Variants in HCFC1 observed in about 807,000 individuals in gnomAD.
The protein encoded by HCFC1 is host cell factor C1, also known as host cell factor 1.
Under a neutral mutation model 105.5 loss-of-function variants are expected in HCFC1, and 7 were observed. That is an observed-to-expected ratio of 0.07 (90% CI 0.04 to 0.12). HCFC1 has a LOEUF of 0.12. HCFC1 is among the 10% of genes least tolerant of loss of function. The probability of loss-of-function intolerance (pLI) is 1.00; values close to 1 mark genes in which losing one functional copy is unlikely to be tolerated. For synonymous variants in HCFC1, 918 were observed against 828.1 expected (o/e 1.11, Z -1.86); for missense variants, 1,065 against 1,823.6 (o/e 0.58, Z 7.58).
intron 6 of HCFC1, 58 bp downstream of exon 6, chrX:153,961,484 A>C: frequency 1.2e-6 from 1 of 845,436 alleles, no homozygotes; most frequent in African/African-American, 2.0e-5. Context: ...TCTTAGGCTG[A>C]GAAGGGCCAG....
chrX:153,966,301 G>A (rs1227911200), intron 1 of HCFC1, among the ~76,000 whole-genome samples: 2 of 112,480 alleles, frequency 1.8e-5, no homozygotes, highest in East Asian at 2.8e-4. Context: ...CCCCCACCCC[G>A]CTCTCCAGCA....
At chrX:153,950,742 C>A in intron 23 of HCFC1, 71 bp downstream of exon 23, 1 of 1,071,577 alleles carries the variant, frequency 9.3e-7, no homozygotes, top group Non-Finnish European at 1.3e-6. Flanking sequence ...ATGCCCCCCC[C>A]CGGCCACCTC....
At chrX:153,957,287 C>T (rs782080749) in intron 13 of HCFC1, 27 bp downstream of exon 13, 1 of 1,134,689 alleles carries the variant, frequency 8.8e-7, no homozygotes, top group African/African-American at 1.8e-5. Context: ...GACTTGCAGA[C>T]ACTCATATGT....
At chrX:153,951,529 C>T in intron 21 of HCFC1, 42 bp from the exon 22 acceptor site, 1 of 1,210,072 alleles carries the variant, frequency 8.3e-7, no homozygotes, top group Non-Finnish European at 1.1e-6. Flanking sequence ...GCCCTCAGCA[C>T]CTAGAGGCAG....
At chrX:153,951,144 G>C (rs1438890879) in intron 22 of HCFC1, 146 bp from the exon 23 acceptor site, 1 of 686,666 alleles carries the variant, frequency 1.5e-6, no homozygotes, top group African/African-American at 2.2e-5. Context: ...GGGACGTGGC[G>C]AGGCTGACTG....
chrX:153,950,046 G>A (rs1161239803), intron 24 of HCFC1, among the ~76,000 whole-genome samples, 197 bp downstream of exon 24: 3 of 111,737 alleles, frequency 2.7e-5, no homozygotes, highest in African/African-American at 9.8e-5. Flanking sequence ...CTGGGGTGGC[G>A]TCCCCTGCAC....
rs782013532 is a variant in HCFC1, at chrX:153,954,668, C to T, written c.3731G>A (p.Arg1244His). ...GGGCTCCCCAGCACCCACGCTGGAA[C>T]GGGTCATGGCAGCGGTGCTGACCGC... ...SHAVSTAAMT[R>H]SSVGAGEPRM... is the part of the protein sequence containing the mutation. The change falls in exon 17 of 26, where the codon CGT (arginine) becomes CAT (histidine). Residue 1244 changes from arginine (R) to histidine (H), a missense_variant. Physicochemically the swap from Arg to His is conservative, Grantham distance 29. Around this residue, in one of 17 missense-constraint regions of HCFC1, gnomAD observed 546 missense variants for 599.9 expected, o/e 0.91. Coordinates refer to ENST00000310441, the MANE Select transcript of HCFC1 (RefSeq NM_005334.3). The T allele has an allele frequency of 9.1e-6, 11 of 1,205,086 alleles. No homozygotes were observed. Among genetic ancestry groups the T allele is most frequent in the South Asian group, 3.5e-5 (2 of 56,499 alleles).
At chrX:153,952,471 C>T (rs782816476) in intron 19 of HCFC1, 43 bp downstream of exon 19, 6 of 1,108,218 alleles carry the variant, frequency 5.4e-6, no homozygotes, top group Non-Finnish European at 7.1e-6. Flanking sequence ...GCCTATTGCT[C>T]CCCCGAGCGG....
In HCFC1 at chrX:153,971,065, C is replaced by T; in HGVS notation, c.-225G>A. ...CTCCGCAAGAGCCGCCCGAAACTGT[C>T]GAGCGCCTAGGCTCAAGAAGCTGGA... On this transcript the variant is annotated 5_prime_UTR_variant, in exon 1 of 26. Coordinates refer to ENST00000310441, the MANE Select transcript of HCFC1 (RefSeq NM_005334.3). The T allele has an allele frequency of 2.7e-6, 1 of 375,276 alleles. No homozygotes were observed. Among genetic ancestry groups the T allele is most frequent in the Non-Finnish European group, 4.5e-6 (1 of 220,977 alleles). The allele number at this position is 375,276 out of a possible 1,213,427, so 30.9% of individuals were successfully genotyped here.
At chrX:153,956,492 T>C in intron 15 of HCFC1, 81 bp from the exon 16 acceptor site, 1 of 1,117,712 alleles carries the variant, frequency 8.9e-7, no homozygotes. Flanking sequence ...GCTGGGGCAC[T>C]CTGGAGCTGC....
Position 153,950,346 on chromosome X carries a change from G to A in HCFC1, c.5901C>T (p.Ser1967=). Residue 1967 remains serine, a synonymous_variant, in exon 24 of 26, where the codon TCC becomes TCT. Transcript: ENST00000310441. ...TGGTGGTGTAGTCGATGTGGGCGTTGGAAAGGCTGGAGGACTGCACCAGGC... is the reference window on the plus strand; with the variant it reads ...TGGTGGTGTAGTCGATGTGGGCGTTAGAAAGGCTGGAGGACTGCACCAGGC... ...PSCLVQSSSL[S]NAHIDYTTKP... 8.3e-7 allele frequency: 1 copy of A among 1,210,596 alleles called. No homozygotes were observed. Among genetic ancestry groups the A allele is most frequent in the Non-Finnish European group, 1.1e-6 (1 of 895,031 alleles).
chrX:153,964,102 A>T, intron 3 of HCFC1, 22 bp downstream of exon 3: 1 of 1,177,394 alleles, frequency 8.5e-7, no homozygotes, highest in South Asian at 1.9e-5. Flanking sequence ...GGGGGGTTCC[A>T]GAGAAAAGGA....
At chrX:153,965,438 T>C (rs950242841) in intron 1 of HCFC1, among the ~76,000 whole-genome samples, 2 of 154 alleles carry the variant, frequency 0.013, no homozygotes, top group Non-Finnish European at 0.026. Context: ...TTCCACAGGA[T>C]GGCACAGCAG....
chrX:153,950,118 G>A, intron 24 of HCFC1, 125 bp downstream of exon 24: 1 of 736,351 alleles, frequency 1.4e-6, no homozygotes, highest in East Asian at 3.5e-5. Context: ...GGGGCTGTGT[G>A]CGCGCCAAAG....
In HCFC1 at chrX:153,953,660, G is replaced by A. The variant is rs782102190; in HGVS notation, c.4444C>T (p.Arg1482Trp). 6 of 1,210,771 alleles carry A rather than the reference G, an allele frequency of 5.0e-6. No individual in the cohort carries two copies. Among genetic ancestry groups the A allele is most frequent in the South Asian group, 3.5e-5 (2 of 56,985 alleles). The change falls in exon 18 of 26, where the codon CGG becomes TGG. Residue 1482 changes from arginine to tryptophan, a missense_variant. Around this residue, in one of 17 missense-constraint regions of HCFC1, gnomAD observed 546 missense variants for 599.9 expected, o/e 0.91. Coordinates refer to ENST00000310441, the MANE Select transcript of HCFC1 (RefSeq NM_005334.3). Reference sequence around the variant, plus strand: ...GACTGCGTCACGGTGGTCACAGCCCGCGTCAGTGTGGAGGACACGGTTGTC... The same window carrying A: ...GACTGCGTCACGGTGGTCACAGCCCACGTCAGTGTGGAGGACACGGTTGTC... ...ITTTVSSTLT[R>W]AVTTVTQSTP...
rs782659828 is a variant in HCFC1 at position 153,960,340 on chromosome X, C to T, written c.979G>A (p.Ala327Thr). 3 of 1,205,237 alleles carry T rather than the reference C, an allele frequency of 2.5e-6. No homozygotes were observed. Among genetic ancestry groups the T allele is most frequent in the South Asian group, 1.8e-5 (1 of 56,113 alleles). ...NIPRARAGHC[A>T]VAINTRLYIW... Reference sequence around the variant, plus strand: ...TACAGGCGGGTGTTGATGGCGACTGCGCAGTGGCCAGCCCGAGCACGGGGG... The same window carrying T: ...TACAGGCGGGTGTTGATGGCGACTGTGCAGTGGCCAGCCCGAGCACGGGGG... The change falls in exon 7 of 26, where the codon GCA (alanine) becomes ACA (threonine). Residue 327 changes from alanine to threonine, a missense_variant. Around this residue, in one of 17 missense-constraint regions of HCFC1, gnomAD observed 18 missense variants for 40.1 expected, o/e 0.45. Transcript: ENST00000310441.
chrX:153,962,158 G>C (rs1324320273), intron 5 of HCFC1, 64 bp downstream of exon 5: 2 of 869,994 alleles, frequency 2.3e-6, no homozygotes, highest in African/African-American at 2.0e-5. Flanking sequence ...AACTGAGTGA[G>C]AGCCCTTCGG....
rs1557113356 is a variant in HCFC1, at chrX:153,953,703, G to A, written c.4401C>T (p.Thr1467=). Reference sequence around the variant, plus strand: ...CGGTTGTCGTGATGGCACTGGAGCTGGTGATGTTCACGCTGTCGCCCTGGG... The same window carrying A: ...CGGTTGTCGTGATGGCACTGGAGCTAGTGATGTTCACGCTGTCGCCCTGGG... ...ESTQGDSVNI[T]SSSAITTTVS... The change falls in exon 18 of 26, where the codon ACC becomes ACT. Residue 1467 remains threonine (T), a synonymous_variant. Transcript: ENST00000310441. The A allele has an allele frequency of 8.3e-7, 1 of 1,210,861 alleles. No homozygotes were observed. Among genetic ancestry groups the A allele is most frequent in the Non-Finnish European group, 1.1e-6 (1 of 894,892 alleles).
rs1557113772 is a variant in HCFC1, at chrX:153,954,435, A to G, written c.3964T>C (p.Cys1322Arg). Residue 1322 changes from cysteine to arginine, a missense_variant, in exon 17 of 26, where the codon TGC becomes CGC. Cys to Arg is a radical substitution (Grantham distance 180). This residue lies in a region of HCFC1 where 546 missense variants were observed against 599.9 expected (regional missense o/e 0.91). Transcript: ENST00000310441. ...GTGGTGCCCGTCTCGTGGGTCTCGC[A>G]TGGCGGGTTGGAGCACACCCTCTGG... ...SAQRVCSNPP[C>R]ETHETGTTHT... 5.8e-6 allele frequency: 7 copies of G among 1,210,638 alleles called. No individual in the cohort carries two copies. The highest frequency in any genetic ancestry group is 5.3e-5 in the South Asian group (3 of 56,965).
Sources: gnomAD v4.1 joint callset for allele counts (sites outside exome capture counted in the v4.1 genomes callset) on GRCh38, gnomAD v4.1.1 for gene constraint, gnomAD v4.1.1 regional missense constraint, MANE v1.5 for transcripts, NCBI Gene and HGNC (gene_info 2026-07-23, HGNC 2026-07-21) for gene names.